The following EPHA7 variants were observed in gnomAD, a reference collection of about 807,000 sequenced individuals.
EPHA7 encodes ephrin type-A receptor 7.
A neutral mutation model predicts 112.6 loss-of-function variants in EPHA7; 25 were observed. The ratio of observed to expected loss-of-function variants is 0.22; its 90% CI spans 0.16 to 0.31. The LOEUF is 0.31. Among genes scored for constraint, EPHA7 ranks in the 10% least tolerant of loss-of-function variants. The probability of loss-of-function intolerance (pLI) is 1.00; values close to 1 mark genes in which losing one functional copy is unlikely to be tolerated. For missense variants in EPHA7, 962 were observed against 1,212.6 expected (o/e 0.79, Z 3.07); for synonymous variants, 437 against 406.5 (o/e 1.07, Z -0.90).
intron 5 of EPHA7, among the ~76,000 whole-genome samples, chr6:93,316,147 T>C (rs1480259730): frequency 1.3e-5 from 2 of 152,182 alleles, no homozygotes; most frequent in Middle Eastern, 3.2e-3. Context: ...ACAGTGAAGC[T>C]AACAGATCCT....
chr6:93,336,560 G>A (rs185354675), intron 5 of EPHA7, among the ~76,000 whole-genome samples: 162 of 152,134 alleles, frequency 1.1e-3, no homozygotes, highest in Non-Finnish European at 1.9e-3. Context: ...GTGCCACCAC[G>A]CCTAGCTATT....
chr6:93,324,853 T>G (rs1774238639), intron 5 of EPHA7, among the ~76,000 whole-genome samples: 1 of 151,546 alleles, frequency 6.6e-6, no homozygotes, highest in Admixed American at 6.6e-5. Flanking sequence ...AATGTTTCTG[T>G]GTATTCATAG....
chr6:93,377,145 C>T (rs1473544949), intron 3 of EPHA7, among the ~76,000 whole-genome samples: 1 of 152,138 alleles, frequency 6.6e-6, no homozygotes, highest in Admixed American at 6.5e-5. Context: ...AGACACTTTC[C>T]ATGATCATAA....
intron 3 of EPHA7, among the ~76,000 whole-genome samples, chr6:93,406,783 A>G (rs1413636843): frequency 2.0e-5 from 3 of 151,886 alleles, no homozygotes; most frequent in Non-Finnish European, 4.4e-5. Context: ...AAATTGCATA[A>G]AAGTTACAAA....
chr6:93,262,570 A>G (rs528431154), intron 9 of EPHA7, among the ~76,000 whole-genome samples: 2 of 151,598 alleles, frequency 1.3e-5, no homozygotes, highest in African/African-American at 4.8e-5. Context: ...ATTAAACTTT[A>G]TAATAAAGCC....
intron 5 of EPHA7, among the ~76,000 whole-genome samples, chr6:93,299,403 A>C (rs570147677): frequency 2.4e-4 from 37 of 152,176 alleles, no homozygotes; most frequent in African/African-American, 8.7e-4. Flanking sequence ...ACTGATCATT[A>C]GAGAAATGCA....
chr6:93,297,774 C>T (rs1424738366), intron 5 of EPHA7, among the ~76,000 whole-genome samples: 2 of 152,116 alleles, frequency 1.3e-5, no homozygotes, highest in Non-Finnish European at 2.9e-5. Flanking sequence ...CACTATATCT[C>T]CAAGTCTGCA....
chr6:93,269,253 T>C (rs1422320330), intron 7 of EPHA7, among the ~76,000 whole-genome samples: 2 of 151,792 alleles, frequency 1.3e-5, no homozygotes, highest in African/African-American at 4.8e-5. Context: ...AAATCTTGTA[T>C]GCGTTAAAGA....
chr6:93,364,535 C>CAAAA (rs35503890), intron 3 of EPHA7, among the ~76,000 whole-genome samples: 17 of 90,302 alleles, frequency 1.9e-4, no homozygotes, highest in Non-Finnish European at 3.0e-4. Context: ...AACTCCGTCT[C>CAAAA]AAAAAAAAAA....
chr6:93,395,403 G>A (rs964285746), intron 3 of EPHA7, among the ~76,000 whole-genome samples: 1 of 151,822 alleles, frequency 6.6e-6, no homozygotes, highest in Non-Finnish European at 1.5e-5. Context: ...TTTAGAGACA[G>A]AAGAAAGCCA....
At chr6:93,375,112 A>G (rs1383672883) in intron 3 of EPHA7, among the ~76,000 whole-genome samples, 2 of 152,166 alleles carry the variant, frequency 1.3e-5, no homozygotes. Context: ...CCTTGAAAAT[A>G]ATATCATTAA....
At chr6:93,306,005 A>T (rs1456156493) in intron 5 of EPHA7, among the ~76,000 whole-genome samples, 1 of 151,966 alleles carries the variant, frequency 6.6e-6, no homozygotes, top group Non-Finnish European at 1.5e-5. Context: ...ATTTTGGTCT[A>T]AAAAGCAGAA....
intron 3 of EPHA7, among the ~76,000 whole-genome samples, chr6:93,400,388 C>T (rs1265647413): frequency 1.3e-5 from 2 of 151,952 alleles, no homozygotes; most frequent in African/African-American, 4.8e-5. Context: ...ATTTATTTTT[C>T]TCAGAATAAG....
At chr6:93,359,874 G>GAGAGAGAGAGAGAGATAGAT (rs1462833873) in intron 3 of EPHA7, among the ~76,000 whole-genome samples, 322 of 127,868 alleles carry the variant, frequency 2.5e-3, no homozygotes, top group Non-Finnish European at 4.1e-3. Flanking sequence ...GAGAGAGAGA[G>GAGAGAGAGAGAGAGATAGAT]AGATAGATAG....
At chr6:93,303,809 T>A (rs1047276644) in intron 5 of EPHA7, among the ~76,000 whole-genome samples, 4 of 152,112 alleles carry the variant, frequency 2.6e-5, no homozygotes, top group Non-Finnish European at 5.9e-5. Flanking sequence ...TGCTGTTTAT[T>A]CTGTGAATGT....
intron 9 of EPHA7, among the ~76,000 whole-genome samples, chr6:93,259,843 G>T (rs1770606755): frequency 6.6e-6 from 1 of 151,960 alleles, no homozygotes; most frequent in East Asian, 1.9e-4. Context: ...AAACACATTT[G>T]TAAATCTACC....
intron 5 of EPHA7, among the ~76,000 whole-genome samples, chr6:93,336,575 T>TTG (rs1184940986): frequency 6.6e-6 from 1 of 152,084 alleles, no homozygotes; most frequent in East Asian, 1.9e-4. Flanking sequence ...GCTATTTTTT[T>TTG]TATTTTTAGT....
At chr6:93,244,895 C>T (rs1769877729) in intron 16 of EPHA7, among the ~76,000 whole-genome samples, 1 of 152,118 alleles carries the variant, frequency 6.6e-6, no homozygotes, top group African/African-American at 2.4e-5. Context: ...GAGAAAGTTT[C>T]CCCAGTGAAT....
intron 3 of EPHA7, among the ~76,000 whole-genome samples, chr6:93,360,276 T>C (rs1776193445): frequency 9.3e-6 from 1 of 107,422 alleles, no homozygotes; most frequent in African/African-American, 3.7e-5. Context: ...ATTCTTCTTT[T>C]TTAAAATATT....
Sources: gnomAD v4.1 joint callset for allele counts (sites outside exome capture counted in the v4.1 genomes callset) on GRCh38, gnomAD v4.1.1 for gene constraint, MANE v1.5 for transcripts, NCBI Gene and HGNC (gene_info 2026-07-23, HGNC 2026-07-21) for gene names.